ARK2C: variants seen among roughly 807,000 people sequenced by gnomAD.
ARK2C encodes E3 ubiquitin-protein ligase ARK2C.
At chr18:46,395,109 G>T in the ARK2C span, among the ~76,000 whole-genome samples, 2 of 152,228 alleles carry the variant, frequency 1.3e-5, no homozygotes, top group Non-Finnish European at 1.5e-5. Flanking sequence ...TGACTAGCTG[G>T]ACTCCCATTT....
the ARK2C span, among the ~76,000 whole-genome samples, chr18:46,438,648 C>T: frequency 3.3e-5 from 5 of 152,174 alleles, no homozygotes; most frequent in Admixed American, 2.6e-4. Flanking sequence ...AACTGGACAG[C>T]CAAGGTCCAT....
chr18:46,394,188 C>T, the ARK2C span, among the ~76,000 whole-genome samples: 4 of 152,188 alleles, frequency 2.6e-5, no homozygotes, highest in Non-Finnish European at 5.9e-5. Context: ...AGAATTTACA[C>T]AGGGCAAAAA....
At chr18:46,382,557 A>G in the ARK2C span, among the ~76,000 whole-genome samples, 1 of 152,142 alleles carries the variant, frequency 6.6e-6, no homozygotes, top group African/African-American at 2.4e-5. Context: ...CTTACTACTG[A>G]GAGTAAAACC....
chr18:46,348,890 C>T, the ARK2C span, among the ~76,000 whole-genome samples: 1 of 140,950 alleles, frequency 7.1e-6, no homozygotes, highest in Non-Finnish European at 1.5e-5. Context: ...AGAACTCTCT[C>T]TCTCTCTTTC....
the ARK2C span, among the ~76,000 whole-genome samples, chr18:46,455,004 T>A: frequency 6.6e-6 from 1 of 152,226 alleles, no homozygotes; most frequent in Non-Finnish European, 1.5e-5. Context: ...ACATAATGAT[T>A]CTACATATGG....
At chr18:46,390,002 A>T in the ARK2C span, among the ~76,000 whole-genome samples, 1 of 152,176 alleles carries the variant, frequency 6.6e-6, no homozygotes, top group Non-Finnish European at 1.5e-5. Context: ...TGCTTGGACT[A>T]TAGGCGTGAG....
chr18:46,351,387 G>A, the ARK2C span, among the ~76,000 whole-genome samples: 55 of 152,258 alleles, frequency 3.6e-4, no homozygotes, highest in Admixed American at 3.5e-3. Flanking sequence ...CGTCCCTTCC[G>A]TGGATATCTG....
the ARK2C span, among the ~76,000 whole-genome samples, chr18:46,377,484 G>T: frequency 6.6e-6 from 1 of 152,194 alleles, no homozygotes; most frequent in Non-Finnish European, 1.5e-5. Context: ...CATAGGAGGG[G>T]CAGCAAGTGG....
chr18:46,403,842 C>T, the ARK2C span, among the ~76,000 whole-genome samples: 1 of 152,100 alleles, frequency 6.6e-6, no homozygotes, highest in Non-Finnish European at 1.5e-5. Flanking sequence ...CACACCATTG[C>T]ACTCCAGCCT....
chr18:46,428,085 G>A, the ARK2C span, among the ~76,000 whole-genome samples: 21 of 152,302 alleles, frequency 1.4e-4, no homozygotes, highest in East Asian at 3.9e-4. Context: ...GAGGGGGTCT[G>A]TGGGAAACAA....
At chr18:46,405,087 A>G in the ARK2C span, among the ~76,000 whole-genome samples, 1 of 151,964 alleles carries the variant, frequency 6.6e-6, no homozygotes, top group Admixed American at 6.6e-5. Flanking sequence ...AACCCCTTTT[A>G]TCTAGGACCT....
At chr18:46,359,611 AG>A in the ARK2C span, among the ~76,000 whole-genome samples, 1 of 152,170 alleles carries the variant, frequency 6.6e-6, no homozygotes. Context: ...CCCATGTATG[AG>A]CTAGGATTCT....
the ARK2C span, among the ~76,000 whole-genome samples, chr18:46,453,063 C>G: frequency 6.6e-6 from 1 of 152,284 alleles, no homozygotes; most frequent in South Asian, 2.1e-4. Flanking sequence ...TGATGCTTTT[C>G]CCTAACCCAT....
At chr18:46,359,368 CT>C in the ARK2C span, among the ~76,000 whole-genome samples, 16 of 152,226 alleles carry the variant, frequency 1.1e-4, no homozygotes, top group African/African-American at 3.9e-4. Context: ...GGGATTTCAG[CT>C]GGTTCCAGGG....
At chr18:46,433,958 TGGCTGGTTCCAGGAAC>T in the ARK2C span, among the ~76,000 whole-genome samples, 10 of 152,310 alleles carry the variant, frequency 6.6e-5, no homozygotes, top group Non-Finnish European at 1.2e-4. Flanking sequence ...CAAAAGGAAA[TGGCTGGTTCCAGGAAC>T]GGCTGGTTCC....
At chr18:46,368,620 G>A in the ARK2C span, among the ~76,000 whole-genome samples, 4 of 152,200 alleles carry the variant, frequency 2.6e-5, no homozygotes, top group South Asian at 2.1e-4. Flanking sequence ...CTATGGAGTC[G>A]AGTCTTAATC....
At chr18:46,420,776 T>C in the ARK2C span, among the ~76,000 whole-genome samples, 408 of 151,388 alleles carry the variant, frequency 2.7e-3, no homozygotes, top group Middle Eastern at 0.01. Context: ...ACCCAGGAGG[T>C]GGAGGTTGCA....
chr18:46,367,773 A>G, the ARK2C span, among the ~76,000 whole-genome samples: 1 of 152,218 alleles, frequency 6.6e-6, no homozygotes, highest in Non-Finnish European at 1.5e-5. Flanking sequence ...ATGTTAGGTT[A>G]GAGGTATGGC....
the ARK2C span, chr18:46,450,249 AG>A: frequency 1.6e-6 from 2 of 1,265,396 alleles, no homozygotes; most frequent in Non-Finnish European, 2.3e-6. Context: ...GGGCTCATGG[AG>A]AAACCTTGAA....
Sources: allele counts gnomAD v4.1 joint callset (sites outside exome capture counted in the v4.1 genomes callset), GRCh38; gene constraint gnomAD v4.1.1; transcripts MANE v1.5; gene names NCBI Gene and HGNC (gene_info 2026-07-23, HGNC 2026-07-21).